Variants in GALNT17 observed in about 807,000 individuals in gnomAD.
GALNT17 encodes UDP-GalNAc:polypeptide N-acetylgalactosaminyltransferase-like 3.
In GALNT17, 29 loss-of-function variants were observed where a neutral mutation model predicts 63.7. The ratio of observed to expected loss-of-function variants is 0.46; its 90% CI spans 0.34 to 0.62. The LOEUF (loss-of-function observed/expected upper bound fraction) is 0.62, where lower values mean the gene tolerates loss of function less well. Ranked by LOEUF, GALNT17 falls within the 20% of genes least tolerant of loss-of-function variation. GALNT17 has a pLI of 0.01. For synonymous variants in GALNT17, 305 were observed against 318.3 expected (o/e 0.96, Z 0.45); for missense variants, 603 against 799.6 (o/e 0.75, Z 2.97).
chr7:71,353,081 G>A (rs923824659), intron 2 of GALNT17, among the ~76,000 whole-genome samples: 3 of 151,444 alleles, frequency 2.0e-5, no homozygotes, highest in Admixed American at 2.0e-4. Flanking sequence ...TAGCCTGAGG[G>A]CTTTGGGGGG....
intron 5 of GALNT17, among the ~76,000 whole-genome samples, chr7:71,436,907 A>C (rs1199463100): frequency 6.6e-6 from 1 of 152,106 alleles, no homozygotes; most frequent in Non-Finnish European, 1.5e-5. Context: ...CTGACCCAAC[A>C]ATGGATGAAT....
intron 2 of GALNT17, among the ~76,000 whole-genome samples, chr7:71,369,347 T>C (rs1177778382): frequency 6.6e-6 from 1 of 152,188 alleles, no homozygotes; most frequent in East Asian, 1.9e-4. Context: ...GAGAGATTTA[T>C]TGTTGCTACC....
chr7:71,487,136 A>G (rs1787925029), intron 5 of GALNT17, among the ~76,000 whole-genome samples: 1 of 152,190 alleles, frequency 6.6e-6, no homozygotes, highest in Non-Finnish European at 1.5e-5. Flanking sequence ...TTGGAATTGC[A>G]TCATTTTTCA....
At chr7:71,539,232 C>T (rs943461232) in intron 5 of GALNT17, among the ~76,000 whole-genome samples, 1 of 152,130 alleles carries the variant, frequency 6.6e-6, no homozygotes, top group Non-Finnish European at 1.5e-5. Context: ...CCGTGCCCAG[C>T]CTCAGGATAC....
intron 5 of GALNT17, among the ~76,000 whole-genome samples, chr7:71,554,963 G>A (rs1316493842): frequency 6.6e-6 from 1 of 152,212 alleles, no homozygotes; most frequent in Non-Finnish European, 1.5e-5. Context: ...GGTTGTACAA[G>A]AAGCATGGTG....
chr7:71,371,966 A>G (rs913208780), intron 2 of GALNT17, among the ~76,000 whole-genome samples: 2 of 152,070 alleles, frequency 1.3e-5, no homozygotes, highest in African/African-American at 4.8e-5. Context: ...ATTAAATTAT[A>G]TTAGCCTTAG....
rs1342859282 is a variant in GALNT17, at chr7:71,688,426, A to G, written c.1500+11120A>G. Among the ~76,000 whole-genome samples the G allele has an allele frequency of 2.6e-5, 4 of 152,078 alleles. No homozygotes were observed. In the East Asian group the frequency reaches 7.7e-4, roughly 29 times the overall value. On this transcript the variant is annotated intron_variant, in intron 9 of 10. Coordinates refer to ENST00000333538, the MANE Select transcript of GALNT17 (RefSeq NM_022479.3). Reference sequence around the variant, plus strand: ...AGACCTCCATGCAATGCAGTTTTACATGCTTTCTGCTTGCTGAGATTTTCC... The same window carrying G: ...AGACCTCCATGCAATGCAGTTTTACGTGCTTTCTGCTTGCTGAGATTTTCC...
At chr7:71,148,673 A>C (rs533459055) in intron 1 of GALNT17, among the ~76,000 whole-genome samples, 1 of 151,946 alleles carries the variant, frequency 6.6e-6, no homozygotes, top group Non-Finnish European at 1.5e-5. Context: ...TCAAACATAC[A>C]TACATAATTG....
intron 1 of GALNT17, among the ~76,000 whole-genome samples, chr7:71,331,134 C>A (rs1267350631): frequency 6.6e-6 from 1 of 152,182 alleles, no homozygotes; most frequent in Non-Finnish European, 1.5e-5. Context: ...CTTCTGTATG[C>A]CCTGTCTTTT....
intron 5 of GALNT17, among the ~76,000 whole-genome samples, chr7:71,447,283 T>C (rs1787178443): frequency 6.6e-6 from 1 of 152,186 alleles, no homozygotes; most frequent in Admixed American, 6.5e-5. Context: ...CCCTTCAGGT[T>C]TGATGATTTG....
chr7:71,150,977 CAAAAAAAAAA>C (rs34934868), intron 1 of GALNT17, among the ~76,000 whole-genome samples: 4 of 103,056 alleles, frequency 3.9e-5, no homozygotes, highest in African/African-American at 1.4e-4. Context: ...ACCCTGACTT[CAAAAAAAAAA>C]AAAAAAAAAA....
At chr7:71,214,410 C>A (rs1291756405) in intron 1 of GALNT17, among the ~76,000 whole-genome samples, 3 of 152,152 alleles carry the variant, frequency 2.0e-5, no homozygotes, top group Non-Finnish European at 2.9e-5. Context: ...CCTAGTATCT[C>A]TTTTTCCTTG....
chr7:71,704,154 A>G (rs975739295), intron 9 of GALNT17, among the ~76,000 whole-genome samples: 4 of 152,214 alleles, frequency 2.6e-5, no homozygotes, highest in Non-Finnish European at 5.9e-5. Context: ...CCTGTAGTTC[A>G]GAGTGACCAT....
At chr7:71,710,002 C>T (rs1266885577) in intron 9 of GALNT17, among the ~76,000 whole-genome samples, 1 of 152,178 alleles carries the variant, frequency 6.6e-6, no homozygotes, top group African/African-American at 2.4e-5. Context: ...CAGTGAATGG[C>T]TTCTTTGAGC....
intron 3 of GALNT17, among the ~76,000 whole-genome samples, 187 bp downstream of exon 3, chr7:71,388,588 A>G (rs938012044): frequency 2.6e-5 from 4 of 151,934 alleles, no homozygotes; most frequent in African/African-American, 9.7e-5. Flanking sequence ...GTGCAGTGGC[A>G]TGATCTCAGC....
At chr7:71,671,126 G>A (rs1481333508) in intron 8 of GALNT17, among the ~76,000 whole-genome samples, 1 of 152,056 alleles carries the variant, frequency 6.6e-6, no homozygotes, top group Non-Finnish European at 1.5e-5. Flanking sequence ...ATAGACACTG[G>A]TGTCTTTTCC....
intron 2 of GALNT17, among the ~76,000 whole-genome samples, chr7:71,344,379 A>G (rs1166766444): frequency 6.6e-6 from 1 of 152,144 alleles, no homozygotes; most frequent in Non-Finnish European, 1.5e-5. Flanking sequence ...ATTAGGGGAA[A>G]TGGAAAACTT....
intron 2 of GALNT17, among the ~76,000 whole-genome samples, chr7:71,372,876 C>T (rs1157946387): frequency 1.3e-5 from 2 of 152,154 alleles, no homozygotes; most frequent in Non-Finnish European, 1.5e-5. Flanking sequence ...TCCCAGGTAG[C>T]ATACAAGAAA....
chr7:71,195,814 G>A (rs932123904), intron 1 of GALNT17, among the ~76,000 whole-genome samples: 8 of 152,178 alleles, frequency 5.3e-5, no homozygotes, highest in Non-Finnish European at 7.4e-5. Flanking sequence ...CTCTCAAAGC[G>A]CTGGGGTTAC....
Sources: allele counts gnomAD v4.1 joint callset (sites outside exome capture counted in the v4.1 genomes callset), GRCh38; gene constraint gnomAD v4.1.1; transcripts MANE v1.5; gene names NCBI Gene and HGNC (gene_info 2026-07-23, HGNC 2026-07-21).